Variants in ESRP1 observed in about 807,000 individuals in gnomAD.
ESRP1 encodes epithelial splicing regulatory protein 1.
In ESRP1, 33 loss-of-function variants were observed where a neutral mutation model predicts 81.7. The observed-to-expected ratio is 0.40, with a 90% confidence interval of 0.31 to 0.54. ESRP1 has a LOEUF of 0.54. Among genes scored for constraint, ESRP1 ranks in the 20% least tolerant of loss-of-function variants. The probability of loss-of-function intolerance (pLI) is 0.41; values close to 1 mark genes in which losing one functional copy is unlikely to be tolerated. For missense variants in ESRP1, 672 were observed against 833.1 expected (o/e 0.81, Z 2.38); for synonymous variants, 320 against 303.3 (o/e 1.06, Z -0.57).
intron 4 of ESRP1, among the ~76,000 whole-genome samples, chr8:94,648,950 G>A (rs1223062278): frequency 6.6e-6 from 1 of 152,196 alleles, no homozygotes; most frequent in Non-Finnish European, 1.5e-5. Flanking sequence ...GCTGGGCACG[G>A]TGGCTCATGC....
chr8:94,689,003 C>A (rs2130703361), intron 13 of ESRP1, among the ~76,000 whole-genome samples: 1 of 152,270 alleles, frequency 6.6e-6, no homozygotes, highest in South Asian at 2.1e-4. Context: ...GTAATCCCAA[C>A]ACTTTGAGAG....
chr8:94,648,284 T>C (rs117795927), intron 4 of ESRP1, among the ~76,000 whole-genome samples: 11 of 152,286 alleles, frequency 7.2e-5, no homozygotes, highest in Non-Finnish European at 1.5e-4. Flanking sequence ...TTCTTAAATG[T>C]TTTAATATTT....
intron 15 of ESRP1, among the ~76,000 whole-genome samples, chr8:94,700,024 G>T (rs73265267): frequency 6.6e-6 from 1 of 152,152 alleles, no homozygotes. Flanking sequence ...CTGCAAAGAG[G>T]CATCATGGGC....
chr8:94,660,918 A>G (rs1298175118), intron 4 of ESRP1, among the ~76,000 whole-genome samples: 6 of 152,116 alleles, frequency 3.9e-5, no homozygotes, highest in African/African-American at 9.7e-5. Flanking sequence ...AGCCATCCCA[A>G]CGTTTAGCAA....
At position 94,641,257 on chromosome 8, in the gene ESRP1, T is replaced by G; in HGVS notation, c.-62T>G. The G allele has an allele frequency of 6.5e-7, 1 of 1,533,752 alleles. No individual in the cohort carries two copies. Among genetic ancestry groups the G allele is most frequent in the Non-Finnish European group, 8.9e-7 (1 of 1,125,238 alleles). On this transcript the variant is annotated 5_prime_UTR_variant, in exon 1 of 16. Transcript: ENST00000433389. ...GAGGGTTTAGCACAGGTTTTTTCGT[T>G]CTCACTTCCACACCACCTTACCGCC...
chr8:94,649,685 GTAT>G (rs1383137391), intron 4 of ESRP1: 2 of 152,086 alleles, frequency 1.3e-5, no homozygotes, highest in Non-Finnish European at 2.9e-5. Context: ...GCTAATTTTT[GTAT>G]TATTAGTAGA....
chr8:94,652,291 A>G (rs1818182720), intron 4 of ESRP1, among the ~76,000 whole-genome samples: 1 of 152,048 alleles, frequency 6.6e-6, no homozygotes. Flanking sequence ...CCTGGCCCTC[A>G]ACACATTTCT....
intron 4 of ESRP1, among the ~76,000 whole-genome samples, chr8:94,658,677 C>T (rs1032595811): frequency 6.6e-6 from 1 of 152,136 alleles, no homozygotes; most frequent in Non-Finnish European, 1.5e-5. Flanking sequence ...TCTAAATTTT[C>T]CCCATATTCT....
chr8:94,665,006 C>A lies in ESRP1; in HGVS notation c.835C>A (p.Arg279=). 1 of 1,613,576 alleles carries A rather than the reference C, an allele frequency of 6.2e-7. No individual in the cohort carries two copies. Among genetic ancestry groups the A allele is most frequent in the Non-Finnish European group, 8.5e-7 (1 of 1,179,822 alleles). Reference sequence around the variant, plus strand: ...GGTTAGGTTTGTAAGTGAGGAGCACCGAGACCTAGCACTACAGAGGCACAA... The same window carrying A: ...GGTTAGGTTTGTAAGTGAGGAGCACAGAGACCTAGCACTACAGAGGCACAA... The part of the protein sequence containing the change: ...ALVRFVSEEH[R]DLALQRHKHH... The change falls in exon 8 of 16, where the codon CGA becomes AGA. Residue 279 remains arginine, a synonymous_variant. Coordinates refer to ENST00000433389, the MANE Select transcript of ESRP1 (RefSeq NM_017697.4).
chr8:94,689,290 T>C (rs1349446136), intron 13 of ESRP1, among the ~76,000 whole-genome samples: 1 of 148,036 alleles, frequency 6.8e-6, no homozygotes. Flanking sequence ...TTTATGAACA[T>C]GGGCTGCCTT....
At chr8:94,700,399 T>C (rs1361466285) in intron 15 of ESRP1, among the ~76,000 whole-genome samples, 1 of 152,054 alleles carries the variant, frequency 6.6e-6, no homozygotes, top group African/African-American at 2.4e-5. Flanking sequence ...GGCAGCAATG[T>C]GACGAGGGAG....
intron 4 of ESRP1, chr8:94,646,527 G>A: frequency 3.0e-6 from 1 of 328,434 alleles, no homozygotes. Flanking sequence ...TGTAGAATAG[G>A]ATTCAGTTTC....
chr8:94,664,120 CTTTT>C (rs755384250), intron 6 of ESRP1, among the ~76,000 whole-genome samples: 1 of 98,528 alleles, frequency 1.0e-5, no homozygotes, highest in Non-Finnish European at 2.1e-5. Flanking sequence ...ATTTCCTCAG[CTTTT>C]TTTTTTTTTT....
chr8:94,702,160 G>GT lies in ESRP1; in HGVS notation c.*36-3758dup, dbSNP rs371481531. On this transcript the variant is annotated intron_variant, in intron 15 of 15. Coordinates refer to ENST00000433389, the MANE Select transcript of ESRP1 (RefSeq NM_017697.4). The stretch of plus-strand genomic sequence containing the variant: ...ATTATAATAATCATAGGGACATAGG[G>GT]TTTTTTTGTGTTTTTCTGAGATGGA... 6.0e-3 allele frequency among the ~76,000 whole-genome samples: 914 copies of GT among 152,262 alleles called. 11 individuals carry two copies. The highest frequency in any genetic ancestry group is 0.021 in the African/African-American group (857 of 41,560).
In ESRP1 at chr8:94,705,978, G is replaced by A; in HGVS notation, c.*89G>A. ...ACCTCCAGACACAAGAAAACTTCTAGCAAATTCAGGGGAAGTTTGTCTACA... is the reference window on the plus strand; with the variant it reads ...ACCTCCAGACACAAGAAAACTTCTAACAAATTCAGGGGAAGTTTGTCTACA... On this transcript the variant is annotated 3_prime_UTR_variant, in exon 16 of 16. Coordinates refer to ENST00000433389, the MANE Select transcript of ESRP1 (RefSeq NM_017697.4). 2.0e-6 allele frequency: 3 copies of A among 1,519,904 alleles called. No homozygotes were observed. The highest frequency in any genetic ancestry group is 2.6e-6 in the Non-Finnish European group (3 of 1,136,646). 94.2% of individuals were successfully genotyped at this position (1,519,904 alleles called of 1,614,324 possible).
intron 4 of ESRP1, among the ~76,000 whole-genome samples, chr8:94,656,720 A>G (rs1818446378): frequency 6.6e-6 from 1 of 152,240 alleles, no homozygotes; most frequent in Non-Finnish European, 1.5e-5. Flanking sequence ...AAACAAAAGG[A>G]ATGGATTTAA....
At chr8:94,690,515 T>A (rs1563545841) in intron 13 of ESRP1, among the ~76,000 whole-genome samples, 1 of 152,092 alleles carries the variant, frequency 6.6e-6, no homozygotes, top group Admixed American at 6.5e-5. Context: ...TTACGATTCC[T>A]TGTATACAGC....
rs1040767177 is a variant in ESRP1, at chr8:94,692,708, T to C, written c.1852T>C (p.Phe618Leu). 2 of 1,613,842 alleles carry C rather than the reference T, an allele frequency of 1.2e-6. No homozygotes were observed. The highest frequency in any genetic ancestry group is 2.7e-5 in the African/African-American group (2 of 74,926). The change falls in exon 14 of 16, where the codon TTC becomes CTC. Residue 618 changes from phenylalanine (F) to leucine (L), a missense_variant. Transcript: ENST00000433389. ...AGGTTCGCCTAATAGTCTTGGCTAC[T>C]TCCCTACAGCTGCTAATCTTAGCGG... ...PPGSPNSLGY[F>L]PTAANLSGVP...
chr8:94,701,256 C>G (rs897681814), intron 15 of ESRP1, among the ~76,000 whole-genome samples: 3 of 140,458 alleles, frequency 2.1e-5, no homozygotes, highest in African/African-American at 8.3e-5. Context: ...GCCTGGGCGA[C>G]AGAGCAAGAC....
Sources: gnomAD v4.1 joint callset for allele counts (sites outside exome capture counted in the v4.1 genomes callset) on GRCh38, gnomAD v4.1.1 for gene constraint, MANE v1.5 for transcripts, NCBI Gene and HGNC (gene_info 2026-07-23, HGNC 2026-07-21) for gene names.